Variants in NRG3 observed in about 807,000 individuals in gnomAD.
NRG3 encodes the protein pro-neuregulin-3, membrane-bound isoform.
NRG3 carries 31 observed loss-of-function variants against 66.9 expected under a neutral mutation model. The ratio of observed to expected loss-of-function variants is 0.46; its 90% CI spans 0.35 to 0.63. The LOEUF is 0.63. Ranked by LOEUF, NRG3 falls within the 20% of genes least tolerant of loss-of-function variation. The probability of loss-of-function intolerance (pLI) is 0.00; values close to 1 mark genes in which losing one functional copy is unlikely to be tolerated. For missense variants in NRG3, 910 were observed against 878.9 expected (o/e 1.04, Z -0.45); for synonymous variants, 393 against 359.4 (o/e 1.09, Z -1.06).
intron 1 of NRG3, among the ~76,000 whole-genome samples, chr10:82,233,782 C>A (rs1455493686): frequency 6.6e-6 from 1 of 152,102 alleles, no homozygotes; most frequent in Admixed American, 6.6e-5. Context: ...AATTCCATTA[C>A]TCTTCCCTTC....
At chr10:82,772,196 T>C (rs992057254) in intron 3 of NRG3, among the ~76,000 whole-genome samples, 4 of 152,156 alleles carry the variant, frequency 2.6e-5, no homozygotes, top group African/African-American at 7.2e-5. Flanking sequence ...ATGGGATACA[T>C]ACAGAGGGTA....
chr10:82,661,140 A>G lies in NRG3; in HGVS notation c.954-77437A>G, dbSNP rs79443687. ...GAAGGTTCTTACTTAAATATTTACT[A>G]TTCCCTCGTCTGACAATTACTCACT... On this transcript the variant is annotated intron_variant, in intron 2 of 8. Transcript: ENST00000372141. Among the ~76,000 whole-genome samples the G allele has an allele frequency of 7.5e-4, 114 of 152,252 alleles. 1 individual carries two copies. In the East Asian group the frequency reaches 0.018, roughly 24 times the overall value.
intron 1 of NRG3, among the ~76,000 whole-genome samples, chr10:81,957,303 C>A (rs760999486): frequency 3.9e-5 from 6 of 152,032 alleles, no homozygotes; most frequent in Non-Finnish European, 5.9e-5. Context: ...CATTATAGTA[C>A]CTGGTATTTC....
chr10:82,211,977 T>C (rs923675755), intron 1 of NRG3, among the ~76,000 whole-genome samples: 2 of 152,186 alleles, frequency 1.3e-5, no homozygotes, highest in African/African-American at 4.8e-5. Flanking sequence ...GATGGAGTGC[T>C]GTGCTCTCAG....
At chr10:82,174,344 A>G (rs2133142971) in intron 1 of NRG3, among the ~76,000 whole-genome samples, 1 of 151,682 alleles carries the variant, frequency 6.6e-6, no homozygotes, top group East Asian at 1.9e-4. Flanking sequence ...CTTTCCAGCC[A>G]CTTAAATTTT....
At chr10:82,000,649 A>G (rs1204799411) in intron 1 of NRG3, among the ~76,000 whole-genome samples, 1 of 152,046 alleles carries the variant, frequency 6.6e-6, no homozygotes, top group Non-Finnish European at 1.5e-5. Context: ...CAGCCTGTCA[A>G]CTCCTTCCTT....
intron 2 of NRG3, among the ~76,000 whole-genome samples, chr10:82,646,568 A>G (rs539508700): frequency 2.0e-5 from 3 of 152,342 alleles, no homozygotes; most frequent in African/African-American, 4.8e-5. Flanking sequence ...GTCGAAGACA[A>G]ACAAAGCTAG....
chr10:82,755,899 A>G (rs1260353864), intron 3 of NRG3, among the ~76,000 whole-genome samples: 1 of 152,074 alleles, frequency 6.6e-6, no homozygotes, highest in Non-Finnish European at 1.5e-5. Context: ...TTCCTTGTAA[A>G]CCATGTTGTC....
In NRG3 at chr10:82,434,899, A is replaced by G. The variant is rs1211098089; in HGVS notation, c.953+76031A>G. Among the ~76,000 whole-genome samples, 3 of 151,914 alleles carry G rather than the reference A, an allele frequency of 2.0e-5. No individual in the cohort carries two copies. In the East Asian group the frequency reaches 5.8e-4, roughly 29 times the overall value. On this transcript the variant is annotated intron_variant, in intron 2 of 8. Transcript: ENST00000372141. The stretch of plus-strand genomic sequence containing the variant: ...ATGTTCATCAGGGATATTGGCCTGA[A>G]GTTTTCTTTTTTTGTTATGTGTCTT...
At chr10:82,669,318 G>A (rs1430060930) in intron 2 of NRG3, among the ~76,000 whole-genome samples, 1 of 150,932 alleles carries the variant, frequency 6.6e-6, no homozygotes. Context: ...GTGAAGTTGA[G>A]ATATTTGAAG....
intron 3 of NRG3, among the ~76,000 whole-genome samples, chr10:82,818,496 C>T (rs549103385): frequency 2.0e-5 from 3 of 152,122 alleles, no homozygotes; most frequent in Non-Finnish European, 4.4e-5. Context: ...TTTTAGACAC[C>T]TGGGCCATGA....
rs5786556 is a variant in NRG3 at position 82,630,355 on chromosome 10, C to CTT, written c.954-108206_954-108205dup. On this transcript the variant is annotated intron_variant, in intron 2 of 8. Coordinates refer to ENST00000372141, the MANE Select transcript of NRG3 (RefSeq NM_001010848.4). Reference sequence around the variant, plus strand: ...GGTGAGGCAAGATATATATGGTTTTCTTTTTTTTTTTTTTTTTCAGATAAA... The same window carrying CTT: ...GGTGAGGCAAGATATATATGGTTTTCTTTTTTTTTTTTTTTTTTTCAGATAAA... 4.1e-4 allele frequency among the ~76,000 whole-genome samples: 55 copies of CTT among 133,728 alleles called. 1 individual carries two copies. The highest frequency in any genetic ancestry group is 3.8e-3 in the Middle Eastern group (1 of 264). The allele number at this position is 133,728 out of a possible 152,430, so 87.7% of individuals were successfully genotyped here.
chr10:82,021,473 C>A (rs1372078434), intron 1 of NRG3, among the ~76,000 whole-genome samples: 1 of 152,064 alleles, frequency 6.6e-6, no homozygotes, highest in Non-Finnish European at 1.5e-5. Flanking sequence ...TAGCAATTAA[C>A]AGAAGTTAGA....
chr10:82,855,612 G>T (rs2063764554), intron 3 of NRG3, among the ~76,000 whole-genome samples: 2 of 152,034 alleles, frequency 1.3e-5, no homozygotes, highest in African/African-American at 2.4e-5. Flanking sequence ...TGTCCAGGCA[G>T]GTCTCAAACT....
At chr10:82,134,061 T>C (rs570636438) in intron 1 of NRG3, among the ~76,000 whole-genome samples, 25 of 152,330 alleles carry the variant, frequency 1.6e-4, no homozygotes, top group African/African-American at 5.8e-4. Flanking sequence ...ATGTATGTCT[T>C]CTTTTGAGAA....
chr10:82,352,932 TA>T (rs2083526941), intron 1 of NRG3, among the ~76,000 whole-genome samples: 1 of 150,936 alleles, frequency 6.6e-6, no homozygotes, highest in Non-Finnish European at 1.5e-5. Flanking sequence ...TTATTGTAAA[TA>T]ATTCATTTTA....
At chr10:82,722,901 A>G (rs937559189) in intron 2 of NRG3, among the ~76,000 whole-genome samples, 1 of 152,194 alleles carries the variant, frequency 6.6e-6, no homozygotes, top group Non-Finnish European at 1.5e-5. Context: ...CTTACTGTGG[A>G]AAGCAGTTTG....
At chr10:82,416,629 C>T (rs2088599442) in intron 2 of NRG3, among the ~76,000 whole-genome samples, 1 of 152,052 alleles carries the variant, frequency 6.6e-6, no homozygotes, top group Admixed American at 6.6e-5. Context: ...CACATAGAGC[C>T]CTCCTGTCTG....
chr10:82,350,617 G>A (rs1219727902), intron 1 of NRG3, among the ~76,000 whole-genome samples: 2 of 152,196 alleles, frequency 1.3e-5, no homozygotes, highest in Non-Finnish European at 2.9e-5. Context: ...TTATTTGTTA[G>A]AGACATACAT....
Sources: gnomAD v4.1 joint callset for allele counts (sites outside exome capture counted in the v4.1 genomes callset) on GRCh38, gnomAD v4.1.1 for gene constraint, MANE v1.5 for transcripts, NCBI Gene and HGNC (gene_info 2026-07-23, HGNC 2026-07-21) for gene names.